SNRPD1: variants seen among roughly 807,000 people sequenced by gnomAD.
The protein encoded by SNRPD1 is small nuclear ribonucleoprotein D1 polypeptide.
SNRPD1 carries 1 observed loss-of-function variant against 14.4 expected under a neutral mutation model. The ratio of observed to expected loss-of-function variants is 0.07; its 90% CI spans 0.02 to 0.33. The LOEUF (loss-of-function observed/expected upper bound fraction) is 0.33. Ranked by LOEUF, SNRPD1 falls within the 10% of genes least tolerant of loss-of-function variation. SNRPD1 has a pLI of 1.00. For synonymous variants in SNRPD1, 42 were observed against 50.3 expected, an observed-to-expected ratio of 0.83 and a Z score of 0.70; for missense variants, 52 against 146.4, an observed-to-expected ratio of 0.36 and a Z score of 3.33.
chr18:21,624,865 T>C (rs1487563503), intron 3 of SNRPD1, among the ~76,000 whole-genome samples: 1 of 152,132 alleles, frequency 6.6e-6, no homozygotes, highest in Non-Finnish European at 1.5e-5. Flanking sequence ...TAGTAGTGTT[T>C]CAGTGCACAT....
chr18:21,612,381 T>C lies in SNRPD1; in HGVS notation c.-49T>C. On this transcript the variant is annotated 5_prime_UTR_variant, in exon 1 of 4. Coordinates refer to ENST00000300413, the MANE Select transcript of SNRPD1 (RefSeq NM_006938.4). ...ATACTGCAGTCGGTCAGTGTTCGGT[T>C]GAAGGATTCTGTGTGCTGTCGGACC... is the stretch of plus-strand genomic sequence containing the variant. 2 of 1,501,962 alleles carry C rather than the reference T, an allele frequency of 1.3e-6. No homozygotes were observed. Among genetic ancestry groups the C allele is most frequent in the East Asian group, 2.5e-5 (1 of 40,104 alleles). 93.0% of individuals were successfully genotyped at this position (1,501,962 alleles called of 1,614,324 possible). A position where few individuals can be genotyped will look rare whatever the true frequency, so the allele number is the denominator to read the frequency against.
intron 1 of SNRPD1, among the ~76,000 whole-genome samples, chr18:21,615,373 T>C (rs1421974623): frequency 6.6e-6 from 1 of 152,194 alleles, no homozygotes; most frequent in Non-Finnish European, 1.5e-5. Context: ...CCCAGCACTT[T>C]GGGAGGCCGA....
chr18:21,622,642 A>ACTCGATGCATCTAG, intron 1 of SNRPD1, 83 bp from the exon 2 acceptor site: 1 of 693,630 alleles, frequency 1.4e-6, no homozygotes, highest in East Asian at 2.7e-5. Flanking sequence ...CAAATTTTCA[A>ACTCGATGCATCTAG]CATCGAGTTG....
Position 21,631,941 on chromosome 18 carries a change from G to A in SNRPD1, c.*2803G>A, listed in dbSNP as rs143600627. The A allele has an allele frequency of 1.3e-5, 2 of 152,190 alleles. No homozygotes were observed. Among genetic ancestry groups the A allele is most frequent in the East Asian group, 3.9e-4 (2 of 5,160 alleles). The allele number at this position is 152,190 out of a possible 1,614,324, so 9.4% of individuals were successfully genotyped here. A position where few individuals can be genotyped will look rare whatever the true frequency, so the allele number is the denominator to read the frequency against. ...AAATAAACAGTTGGCTCCTGTCCTC[G>A]TGGAGCTTATAGACAGAAGCAGATA... is the stretch of plus-strand genomic sequence containing the variant. On this transcript the variant is annotated 3_prime_UTR_variant, in exon 4 of 4. Coordinates refer to ENST00000300413, the MANE Select transcript of SNRPD1 (RefSeq NM_006938.4).
At chr18:21,622,646 C>T (rs1038084713) in intron 1 of SNRPD1, 79 bp from the exon 2 acceptor site, 3 of 702,538 alleles carry the variant, frequency 4.3e-6, no homozygotes, top group East Asian at 2.7e-5. Flanking sequence ...TTTTCAACAT[C>T]GAGTTGTTTC....
Position 21,622,574 on chromosome 18 carries a change from A to G in SNRPD1, c.15-151A>G, listed in dbSNP as rs192935406. The G allele has an allele frequency of 5.6e-4, 326 of 584,670 alleles. 1 individual carries two copies. The African/African-American group carries it at 5.7e-3, about 10-fold the overall frequency. The allele number at this position is 584,670 out of a possible 1,614,324, so 36.2% of individuals were successfully genotyped here. ...TTCATAAAGGTTGAGGATATAATTC[A>G]GGAAAGCTGAAATTGTTATGCAGAT... On this transcript the variant is annotated intron_variant, in intron 1 of 3. Transcript: ENST00000300413.
intron 3 of SNRPD1, among the ~76,000 whole-genome samples, chr18:21,626,091 G>A (rs1479736481): frequency 6.6e-6 from 1 of 151,626 alleles, no homozygotes; most frequent in Admixed American, 6.6e-5. Context: ...AAAATAGTAC[G>A]GTTTAAAATA....
At position 21,631,451 on chromosome 18, in the gene SNRPD1, T is replaced by TTTC. The variant is rs1177457262; in HGVS notation, c.*2315_*2317dup. 6.9e-6 allele frequency: 1 copy of TTTC among 143,918 alleles called. No homozygotes were observed. Among genetic ancestry groups the TTTC allele is most frequent in the Non-Finnish European group, 1.5e-5 (1 of 66,180 alleles). 8.9% of individuals were successfully genotyped at this position (143,918 alleles called of 1,614,324 possible). On this transcript the variant is annotated 3_prime_UTR_variant, in exon 4 of 4. Transcript: ENST00000300413. ...CGTTTTTTTTTTTTTTTTTTTTTTTTTTCTGGAGACAGTCTTGCTCTGTTG... is the reference window on the plus strand; with the variant it reads ...CGTTTTTTTTTTTTTTTTTTTTTTTTTTCTTCTGGAGACAGTCTTGCTCTGTTG...
chr18:21,617,702 T>C (rs2038967432), intron 1 of SNRPD1, among the ~76,000 whole-genome samples: 1 of 152,160 alleles, frequency 6.6e-6, no homozygotes, highest in African/African-American at 2.4e-5. Context: ...ACCTAAAATA[T>C]TGAACTTAAC....
chr18:21,620,813 G>A (rs186822064), intron 1 of SNRPD1, among the ~76,000 whole-genome samples: 1 of 152,280 alleles, frequency 6.6e-6, no homozygotes, highest in East Asian at 1.9e-4. Context: ...ACCTAATTGA[G>A]AATGTCAATA....
At chr18:21,628,225 T>C (rs1316865801) in intron 3 of SNRPD1, among the ~76,000 whole-genome samples, 1 of 152,034 alleles carries the variant, frequency 6.6e-6, no homozygotes, top group Admixed American at 6.6e-5. Flanking sequence ...ACAAAAATTT[T>C]AAAAATTAGC....
Position 21,612,349 on chromosome 18 carries a change from G to T in SNRPD1, c.-81G>T. 8.9e-7 allele frequency: 1 copy of T among 1,125,374 alleles called. No individual in the cohort carries two copies. The allele number at this position is 1,125,374 out of a possible 1,614,324, so 69.7% of individuals were successfully genotyped here. ...GGAGCCCCTGGAGTAGGCGCTTCCG[G>T]CCATTCATACTGCAGTCGGTCAGTG... On this transcript the variant is annotated 5_prime_UTR_variant, in exon 1 of 4. Coordinates refer to ENST00000300413, the MANE Select transcript of SNRPD1 (RefSeq NM_006938.4).
intron 1 of SNRPD1, 26 bp downstream of exon 1, chr18:21,612,469 G>A (rs760887234): frequency 2.0e-6 from 3 of 1,496,242 alleles, no homozygotes; most frequent in Non-Finnish European, 2.7e-6. Context: ...AGCAGCTCTG[G>A]GGGCTGTGAA....
In SNRPD1 at chr18:21,623,745, T is replaced by C. The variant is rs757844839; in HGVS notation, c.92-3T>C. The stretch of plus-strand genomic sequence containing the variant: ...ATAACTGCACAATTATTTTCCTCTT[T>C]AGGTGTGGATGTCAGCATGAATACA... On this transcript the variant is annotated splice_region_variant and splice_polypyrimidine_tract_variant and intron_variant, in intron 2 of 3. Transcript: ENST00000300413. 95 of 1,600,216 alleles carry C rather than the reference T, an allele frequency of 5.9e-5. No individual in the cohort carries two copies. The highest frequency in any genetic ancestry group is 7.8e-5 in the Non-Finnish European group (91 of 1,173,704).
chr18:21,621,031 G>C (rs776230935), intron 1 of SNRPD1, among the ~76,000 whole-genome samples: 2 of 151,950 alleles, frequency 1.3e-5, no homozygotes, highest in Non-Finnish European at 2.9e-5. Context: ...AGCCAGGTGT[G>C]GTGGCGAGCG....
chr18:21,632,527 AAC>A lies in SNRPD1; in HGVS notation c.*3391_*3392del, dbSNP rs2039092078. On this transcript the variant is annotated 3_prime_UTR_variant, in exon 4 of 4. Coordinates refer to ENST00000300413, the MANE Select transcript of SNRPD1 (RefSeq NM_006938.4). ...GTTTGCAGTGTGAAGCCAGTCTAGTAACAGTTTAAATGTAATAATAAATCACA... is the reference window on the plus strand; with the variant it reads ...GTTTGCAGTGTGAAGCCAGTCTAGTAAGTTTAAATGTAATAATAAATCACA... 1 of 152,078 alleles carries A rather than the reference AAC, an allele frequency of 6.6e-6. No individual in the cohort carries two copies. The highest frequency in any genetic ancestry group is 2.1e-4 in the South Asian group (1 of 4,826). 9.4% of individuals were successfully genotyped at this position (152,078 alleles called of 1,614,324 possible).
chr18:21,625,710 A>G (rs549733676), intron 3 of SNRPD1, among the ~76,000 whole-genome samples: 173 of 152,210 alleles, frequency 1.1e-3, no homozygotes, highest in Non-Finnish European at 2.1e-3. Flanking sequence ...TCCCGGGTTC[A>G]CACCATTGTC....
chr18:21,623,230 T>C (rs569225450), intron 2 of SNRPD1, among the ~76,000 whole-genome samples: 2 of 152,338 alleles, frequency 1.3e-5, no homozygotes, highest in African/African-American at 4.8e-5. Flanking sequence ...TAGCTGGGGT[T>C]ATGGGTGCGT....
chr18:21,612,702 A>C (rs1490994958), intron 1 of SNRPD1, among the ~76,000 whole-genome samples: 1 of 152,256 alleles, frequency 6.6e-6, no homozygotes, highest in African/African-American at 2.4e-5. Context: ...GGCTTTAAAG[A>C]TGCAGCGCCT....
Sources: gnomAD v4.1 joint callset for allele counts (sites outside exome capture counted in the v4.1 genomes callset) on GRCh38, gnomAD v4.1.1 for gene constraint, MANE v1.5 for transcripts, NCBI Gene and HGNC (gene_info 2026-07-23, HGNC 2026-07-21) for gene names.